The following TMEM178B variants were observed in gnomAD, a reference collection of about 807,000 sequenced individuals.
The protein encoded by TMEM178B is transmembrane protein 178B.
TMEM178B carries 5 observed loss-of-function variants against 31.0 expected under a neutral mutation model. That is an observed-to-expected ratio of 0.16 (90% confidence interval 0.08 to 0.34). The LOEUF is 0.34. TMEM178B is among the 10% of genes least tolerant of loss of function. The pLI is 1.00. For synonymous variants in TMEM178B, 164 were observed against 164.0 expected, an observed-to-expected ratio of 1.00 and a Z score of 0.00; for missense variants, 275 against 400.3, an observed-to-expected ratio of 0.69 and a Z score of 2.67.
chr7:141,297,269 G>T (rs369390555), intron 2 of TMEM178B: 3 of 152,186 alleles, frequency 2.0e-5, no homozygotes, highest in Non-Finnish European at 2.9e-5. Flanking sequence ...GAATGAATGG[G>T]TAACAGTGGA....
intron 1 of TMEM178B, among the ~76,000 whole-genome samples, chr7:141,081,612 G>A (rs962504182): frequency 1.3e-5 from 2 of 150,688 alleles, no homozygotes; most frequent in African/African-American, 4.9e-5. Flanking sequence ...CTCCAGCCTG[G>A]GTAACAATAG....
chr7:141,334,292 C>T (rs909990983), intron 2 of TMEM178B, among the ~76,000 whole-genome samples: 2 of 152,172 alleles, frequency 1.3e-5, no homozygotes, highest in African/African-American at 4.8e-5. Context: ...GGGTAAGTTA[C>T]ATAATGTATG....
chr7:141,439,861 A>G (rs574425956), intron 3 of TMEM178B, among the ~76,000 whole-genome samples: 28 of 152,330 alleles, frequency 1.8e-4, no homozygotes, highest in African/African-American at 6.7e-4. Flanking sequence ...CACAAGGTTC[A>G]GATCCTGCCC....
chr7:141,416,428 G>A (rs1801097566), intron 2 of TMEM178B: 11 of 152,614 alleles, frequency 7.2e-5, no homozygotes, highest in Admixed American at 7.2e-4. Flanking sequence ...AAGACTCCAT[G>A]AGCTAGTTTC....
intron 1 of TMEM178B, among the ~76,000 whole-genome samples, chr7:141,205,378 C>T (rs1242247327): frequency 1.3e-5 from 2 of 152,194 alleles, no homozygotes; most frequent in East Asian, 1.9e-4. Flanking sequence ...AGAGAGTTCC[C>T]ACATTCCAAT....
chr7:141,222,437 C>T (rs1990455), intron 2 of TMEM178B, among the ~76,000 whole-genome samples: 77,326 of 151,986 alleles, frequency 0.51, 21,323 homozygotes, highest in African/African-American at 0.73. Context: ...TGGTTTGACC[C>T]CAGTACACTC....
chr7:141,311,346 C>A (rs1347941421), intron 2 of TMEM178B, among the ~76,000 whole-genome samples: 7 of 152,128 alleles, frequency 4.6e-5, no homozygotes. Flanking sequence ...AAAATGGCCT[C>A]TTGTTTTAAT....
intron 2 of TMEM178B, among the ~76,000 whole-genome samples, chr7:141,254,013 C>T (rs910392122): frequency 6.6e-6 from 1 of 152,184 alleles, no homozygotes; most frequent in East Asian, 1.9e-4. Flanking sequence ...TGTTTCCCCA[C>T]TTTCAACTTT....
intron 1 of TMEM178B, among the ~76,000 whole-genome samples, chr7:141,161,431 C>T (rs899940699): frequency 1.3e-5 from 2 of 152,152 alleles, no homozygotes; most frequent in African/African-American, 2.4e-5. Flanking sequence ...GAGGCCTAGA[C>T]GGTGACCCAG....
At chr7:141,408,332 A>G (rs1426164184) in intron 2 of TMEM178B, among the ~76,000 whole-genome samples, 1 of 152,184 alleles carries the variant, frequency 6.6e-6, no homozygotes, top group Non-Finnish European at 1.5e-5. Context: ...AGATCCTTTC[A>G]TCCCACGTGT....
At chr7:141,182,612 G>A (rs1796548027) in intron 1 of TMEM178B, among the ~76,000 whole-genome samples, 1 of 152,288 alleles carries the variant, frequency 6.6e-6, no homozygotes, top group East Asian at 1.9e-4. Flanking sequence ...TAGGGACATT[G>A]GGTTTTGATA....
At chr7:141,233,856 T>A (rs1024204553) in intron 2 of TMEM178B, among the ~76,000 whole-genome samples, 5 of 152,216 alleles carry the variant, frequency 3.3e-5, no homozygotes, top group Non-Finnish European at 7.3e-5. Context: ...GGCAGAATTG[T>A]CAAACAGTGA....
rs1802444876 is a variant in TMEM178B at position 141,480,001 on chromosome 7, T to C, written c.*9215T>C. The C allele has an allele frequency of 6.6e-6, 1 of 152,238 alleles. No individual in the cohort carries two copies. Among genetic ancestry groups the C allele is most frequent in the African/African-American group, 2.4e-5 (1 of 41,462 alleles). 9.4% of individuals were successfully genotyped at this position (152,238 alleles called of 1,614,324 possible). A position where few individuals can be genotyped will look rare whatever the true frequency, so the allele number is the denominator to read the frequency against. On this transcript the variant is annotated 3_prime_UTR_variant, in exon 4 of 4. Transcript: ENST00000565468. ...AGAATGCTACATCTTATCAGATCTA[T>C]TGTACTGTCTGTTCCTTCTCATAAT...
At chr7:141,241,454 T>A (rs1797617381) in intron 2 of TMEM178B, among the ~76,000 whole-genome samples, 1 of 151,512 alleles carries the variant, frequency 6.6e-6, no homozygotes, top group African/African-American at 2.4e-5. Context: ...TAGCTGGGCG[T>A]GGTGGCAGGC....
intron 1 of TMEM178B, among the ~76,000 whole-genome samples, chr7:141,192,528 G>A (rs1264141756): frequency 3.4e-5 from 5 of 148,352 alleles, no homozygotes; most frequent in African/African-American, 1.3e-4. Context: ...TCACTCTGTC[G>A]CCCAGGCTGG....
intron 2 of TMEM178B, among the ~76,000 whole-genome samples, chr7:141,223,815 T>C (rs1797294943): frequency 6.6e-6 from 1 of 152,196 alleles, no homozygotes; most frequent in African/African-American, 2.4e-5. Flanking sequence ...GTGATGGAAA[T>C]ATTCTGTAAG....
chr7:141,121,844 C>A lies in TMEM178B; in HGVS notation c.382+47152C>A, dbSNP rs150227550. ...TGAATCTCCCTTCTTTTTAGCACCC[C>A]CTTTTTGACTTGCTGAGCTTGTTAA... On this transcript the variant is annotated intron_variant, in intron 1 of 3. Transcript: ENST00000565468. 8.8e-3 allele frequency among the ~76,000 whole-genome samples: 1,345 copies of A among 152,216 alleles called. 26 individuals are homozygous for A. Among genetic ancestry groups the A allele is most frequent in the African/African-American group, 0.031 (1,281 of 41,540 alleles).
chr7:141,258,751 C>A (rs1797968916), intron 2 of TMEM178B, among the ~76,000 whole-genome samples: 1 of 152,184 alleles, frequency 6.6e-6, no homozygotes, highest in South Asian at 2.1e-4. Context: ...GAGTTTTTGT[C>A]TTCTTTCTTT....
At chr7:141,450,272 A>G (rs1318256027) in intron 3 of TMEM178B, among the ~76,000 whole-genome samples, 1 of 152,242 alleles carries the variant, frequency 6.6e-6, no homozygotes, top group Non-Finnish European at 1.5e-5. Flanking sequence ...CACTTTAGTG[A>G]ACCATTTGAA....
Sources: gnomAD v4.1 joint callset for allele counts (sites outside exome capture counted in the v4.1 genomes callset) on GRCh38, gnomAD v4.1.1 for gene constraint, MANE v1.5 for transcripts, NCBI Gene and HGNC (gene_info 2026-07-23, HGNC 2026-07-21) for gene names.